Variants in APBB2 observed in about 807,000 individuals in gnomAD.
APBB2 encodes Fe65-like 1.
APBB2 carries 38 observed loss-of-function variants against 82.5 expected under a neutral mutation model. The ratio of observed to expected loss-of-function variants is 0.46; its 90% CI spans 0.36 to 0.60. APBB2 has a LOEUF of 0.60. Among genes scored for constraint, APBB2 ranks in the 20% least tolerant of loss-of-function variants. The probability of loss-of-function intolerance (pLI) is 0.00; values close to 1 mark genes in which losing one functional copy is unlikely to be tolerated. For missense variants in APBB2, 772 were observed against 972.3 expected (o/e 0.79, Z 2.74); for synonymous variants, 341 against 368.2 (o/e 0.93, Z 0.85).
In APBB2 at chr4:40,842,325, G is replaced by A. The variant is rs75370881; in HGVS notation, c.1530-11748C>T. 3.3e-5 allele frequency: 15 copies of A among 454,596 alleles called. No individual in the cohort carries two copies. In the Middle Eastern group the frequency reaches 9.8e-4, roughly 30 times the overall value. 28.2% of individuals were successfully genotyped at this position (454,596 alleles called of 1,614,324 possible). On this transcript the variant is annotated intron_variant, in intron 12 of 17. Coordinates refer to ENST00000508593, the MANE Select transcript of APBB2 (RefSeq NM_004307.2). ...AAAGCAAGTGAGCTTTGCCAGACAC[G>A]TTAAGACACCACGAAGGGGGGAGAA... is the stretch of plus-strand genomic sequence containing the variant.
intron 1 of APBB2, among the ~76,000 whole-genome samples, chr4:41,170,338 C>T (rs1767911316): frequency 6.6e-6 from 1 of 152,188 alleles, no homozygotes; most frequent in Non-Finnish European, 1.5e-5. Context: ...TTCATAAGCA[C>T]CTACGGTGCC....
chr4:41,034,169 G>A (rs1718201093), intron 4 of APBB2, among the ~76,000 whole-genome samples: 1 of 152,162 alleles, frequency 6.6e-6, no homozygotes, highest in African/African-American at 2.4e-5. Flanking sequence ...AGCTAACGTG[G>A]ATTCTATTCT....
chr4:41,155,761 G>A (rs916849069), intron 1 of APBB2, among the ~76,000 whole-genome samples: 3 of 151,938 alleles, frequency 2.0e-5, no homozygotes, highest in Non-Finnish European at 2.9e-5. Context: ...CCAACTCAAA[G>A]CAAAAAAGGA....
rs569782372 is a variant in APBB2 at position 40,910,258 on chromosome 4, A to G, written c.1255-16847T>C. 3.3e-5 allele frequency among the ~76,000 whole-genome samples: 5 copies of G among 151,214 alleles called. No individual in the cohort carries two copies. In the South Asian group the frequency reaches 1.0e-3, roughly 32 times the overall value. On this transcript the variant is annotated intron_variant, in intron 10 of 17. Coordinates refer to ENST00000508593, the MANE Select transcript of APBB2 (RefSeq NM_004307.2). Reference sequence around the variant, plus strand: ...CACTAGTCTTTTTTTTAATTTTTAGAGAGGGGTCTTGCTTTGTTGCCCAGG... The same window carrying G: ...CACTAGTCTTTTTTTTAATTTTTAGGGAGGGGTCTTGCTTTGTTGCCCAGG...
At chr4:41,073,053 A>G (rs1442368847) in intron 3 of APBB2, among the ~76,000 whole-genome samples, 1 of 152,066 alleles carries the variant, frequency 6.6e-6, no homozygotes, top group East Asian at 1.9e-4. Context: ...TAAGTACATA[A>G]CCCCCTACAA....
intron 5 of APBB2, among the ~76,000 whole-genome samples, chr4:41,021,877 G>C (rs968101711): frequency 2.0e-5 from 3 of 152,016 alleles, no homozygotes; most frequent in Non-Finnish European, 4.4e-5. Context: ...GCAAAACCAC[G>C]AACCCACTGG....
intron 1 of APBB2, among the ~76,000 whole-genome samples, chr4:41,166,385 T>C (rs1766606604): frequency 1.3e-5 from 2 of 151,306 alleles, no homozygotes; most frequent in Admixed American, 6.6e-5. Flanking sequence ...TCTGGATCTA[T>C]GGGCAAAATA....
intron 3 of APBB2, among the ~76,000 whole-genome samples, chr4:41,074,325 A>T (rs994799668): frequency 7.9e-5 from 12 of 152,090 alleles, no homozygotes; most frequent in Non-Finnish European, 1.8e-4. Context: ...AAAAAAGATG[A>T]TCATTTGAGC....
At chr4:41,097,203 C>A (rs867929920) in intron 3 of APBB2, among the ~76,000 whole-genome samples, 2 of 152,126 alleles carry the variant, frequency 1.3e-5, no homozygotes, top group African/African-American at 4.8e-5. Context: ...ATGTCACCTG[C>A]GCTCTTGTAT....
chr4:40,988,724 C>T (rs567025547), intron 6 of APBB2, among the ~76,000 whole-genome samples: 13 of 147,426 alleles, frequency 8.8e-5, no homozygotes, highest in Admixed American at 2.7e-4. Flanking sequence ...ATTACTGTGA[C>T]GAATGATAAA....
chr4:41,014,551 C>T (rs890757118), intron 5 of APBB2, 153 bp from the exon 6 acceptor site: 1 of 765,918 alleles, frequency 1.3e-6, no homozygotes, highest in Admixed American at 2.5e-5. Flanking sequence ...TTTATTTCAC[C>T]ATTTGTTCCT....
chr4:40,916,047 G>A (rs1779756066), intron 10 of APBB2, among the ~76,000 whole-genome samples: 1 of 152,186 alleles, frequency 6.6e-6, no homozygotes, highest in African/African-American at 2.4e-5. Flanking sequence ...AACTCAGTGT[G>A]TAATGCAAAG....
intron 1 of APBB2, among the ~76,000 whole-genome samples, chr4:41,159,112 TC>T (rs1372996812): frequency 1.3e-5 from 2 of 152,166 alleles, no homozygotes; most frequent in African/African-American, 2.4e-5. Context: ...AGTTCTCCAC[TC>T]CCACCTTGCC....
At chr4:41,194,093 C>T in intron 1 of APBB2, 2 of 150,906 alleles carry the variant, frequency 1.3e-5, no homozygotes, top group East Asian at 3.9e-4. Context: ...AACTTTGAGC[C>T]CAATCTTTGA....
intron 2 of APBB2, among the ~76,000 whole-genome samples, chr4:41,138,873 A>ACAGGTG (rs964190263): frequency 6.6e-6 from 1 of 152,214 alleles, no homozygotes; most frequent in African/African-American, 2.4e-5. Context: ...GTACTGATAA[A>ACAGGTG]CAGGTTCAAC....
chr4:41,080,694 G>T (rs1205478343), intron 3 of APBB2, among the ~76,000 whole-genome samples: 9 of 130,678 alleles, frequency 6.9e-5, no homozygotes, highest in Non-Finnish European at 6.4e-5. Flanking sequence ...TGATGTAAAT[G>T]CTCCTTTTTT....
rs1218123770 is a variant in APBB2, at chr4:40,874,618, T to C, written c.1529+15746A>G. ...TCAGAATCCCTAGAACAGTGTTTTC[T>C]GACCTGGTGGGTCCCAGAACTGCTG... On this transcript the variant is annotated intron_variant, in intron 12 of 17. Coordinates refer to ENST00000508593, the MANE Select transcript of APBB2 (RefSeq NM_004307.2). 2.0e-5 allele frequency among the ~76,000 whole-genome samples: 3 copies of C among 152,236 alleles called. No individual in the cohort carries two copies. The East Asian group carries it at 5.8e-4, about 29-fold the overall frequency.
intron 16 of APBB2, among the ~76,000 whole-genome samples, chr4:40,822,990 T>A (rs1748537732): frequency 6.6e-6 from 1 of 152,104 alleles, no homozygotes; most frequent in Non-Finnish European, 1.5e-5. Flanking sequence ...AGCACCCTGC[T>A]CCTCTCTCCA....
At chr4:40,841,137 G>A (rs1378548001) in intron 12 of APBB2, among the ~76,000 whole-genome samples, 1 of 152,290 alleles carries the variant, frequency 6.6e-6, no homozygotes, top group African/African-American at 2.4e-5. Flanking sequence ...ACTGGACTAT[G>A]ACAGCAGCAC....
Sources: gnomAD v4.1 joint callset for allele counts (sites outside exome capture counted in the v4.1 genomes callset) on GRCh38, gnomAD v4.1.1 for gene constraint, MANE v1.5 for transcripts, NCBI Gene and HGNC (gene_info 2026-07-23, HGNC 2026-07-21) for gene names.